Variants in LINGO2 observed in about 807,000 individuals in gnomAD.
LINGO2 encodes leucine-rich repeat and immunoglobulin-like domain-containing nogo receptor-interacting protein 2.
A neutral mutation model predicts 30.6 loss-of-function variants in LINGO2; 14 were observed. The ratio of observed to expected loss-of-function variants is 0.46; its 90% confidence interval spans 0.30 to 0.72. LINGO2 has a LOEUF of 0.72. Ranked by LOEUF, LINGO2 falls within the 30% of genes least tolerant of loss-of-function variation. The pLI is 0.07. For missense variants in LINGO2, 729 were observed against 751.7 expected, an observed-to-expected ratio of 0.97 and a Z score of 0.35; for synonymous variants, 317 against 288.5, an observed-to-expected ratio of 1.10 and a Z score of -1.00.
chr9:29,129,116 C>T, the LINGO2 span, among the ~76,000 whole-genome samples: 2 of 152,020 alleles, frequency 1.3e-5, no homozygotes, highest in Admixed American at 6.6e-5. Context: ...TCTTGGTTTG[C>T]GTGCCTTCTT....
intron 4 of LINGO2, among the ~76,000 whole-genome samples, chr9:28,064,137 T>G (rs1825238563): frequency 6.6e-6 from 1 of 152,152 alleles, no homozygotes; most frequent in South Asian, 2.1e-4. Flanking sequence ...TCAGCCCCCG[T>G]TAGCAGCAGT....
At chr9:28,044,566 C>G (rs764743815) in intron 4 of LINGO2, among the ~76,000 whole-genome samples, 2 of 152,040 alleles carry the variant, frequency 1.3e-5, no homozygotes, top group Non-Finnish European at 2.9e-5. Context: ...GGCCTTATAA[C>G]AATATTTTTT....
the LINGO2 span, among the ~76,000 whole-genome samples, chr9:28,932,165 C>A: frequency 3.6e-4 from 10 of 27,854 alleles, no homozygotes; most frequent in South Asian, 1.7e-3. Context: ...AAGGCAGTGG[C>A]GGGGGCCGGG....
At chr9:28,031,123 C>T (rs985145042) in intron 4 of LINGO2, among the ~76,000 whole-genome samples, 4 of 152,162 alleles carry the variant, frequency 2.6e-5, no homozygotes, top group Non-Finnish European at 5.9e-5. Flanking sequence ...CATATCCAAG[C>T]TTCTCCTTGG....
chr9:28,806,122 C>G, the LINGO2 span, among the ~76,000 whole-genome samples: 5 of 151,988 alleles, frequency 3.3e-5, no homozygotes, highest in African/African-American at 1.2e-4. Context: ...GACCAGAATG[C>G]AATAATTTGC....
rs544916900 is a variant in LINGO2, at chr9:28,109,159, A to C, written c.-86-96754T>G. The stretch of plus-strand genomic sequence containing the variant: ...ATGACAAAAACCACATGATCATCTC[A>C]ATAGATGCAGAAAACTCCTTCAATA... On this transcript the variant is annotated intron_variant, in intron 4 of 5. Transcript: ENST00000379992. Among the ~76,000 whole-genome samples the C allele has an allele frequency of 8.5e-5, 13 of 152,340 alleles. No homozygotes were observed. The East Asian group carries it at 1.3e-3, about 16-fold the overall frequency.
At chr9:28,335,958 A>G (rs957599350) in intron 3 of LINGO2, among the ~76,000 whole-genome samples, 1 of 152,074 alleles carries the variant, frequency 6.6e-6, no homozygotes, top group Admixed American at 6.6e-5. Context: ...GCTCAGTAGT[A>G]TAATTTTAGA....
At chr9:27,997,579 T>G (rs1417723408) in intron 5 of LINGO2, among the ~76,000 whole-genome samples, 1 of 152,242 alleles carries the variant, frequency 6.6e-6, no homozygotes, top group African/African-American at 2.4e-5. Flanking sequence ...TTCTTTACTC[T>G]TTAATTGAAT....
At chr9:28,651,310 T>TA (rs1214961703) in intron 1 of LINGO2, among the ~76,000 whole-genome samples, 1 of 152,114 alleles carries the variant, frequency 6.6e-6, no homozygotes, top group Admixed American at 6.5e-5. Context: ...AATATACTGT[T>TA]ATAGCACTTT....
the LINGO2 span, among the ~76,000 whole-genome samples, chr9:28,967,858 A>T: frequency 6.6e-6 from 1 of 152,210 alleles, no homozygotes; most frequent in African/African-American, 2.4e-5. Flanking sequence ...AAGAGAGAAG[A>T]CAGAGAAGAT....
the LINGO2 span, among the ~76,000 whole-genome samples, chr9:28,961,406 C>T: frequency 1.3e-5 from 2 of 152,078 alleles, no homozygotes; most frequent in Non-Finnish European, 2.9e-5. Flanking sequence ...GTAACGTAAT[C>T]CATAATACAT....
the LINGO2 span, among the ~76,000 whole-genome samples, chr9:29,098,471 GCA>G: frequency 7.3e-5 from 11 of 150,296 alleles, no homozygotes; most frequent in Non-Finnish European, 1.3e-4. Flanking sequence ...ACACATATGC[GCA>G]CACACACACA....
the LINGO2 span, among the ~76,000 whole-genome samples, chr9:29,054,688 C>T: frequency 3.9e-5 from 6 of 152,164 alleles, no homozygotes; most frequent in South Asian, 1.0e-3. Context: ...GTCCTTGAGG[C>T]TTTTATAATT....
intron 4 of LINGO2, among the ~76,000 whole-genome samples, chr9:28,262,124 G>A (rs369119043): frequency 1.6e-4 from 24 of 151,936 alleles, no homozygotes; most frequent in Non-Finnish European, 2.2e-4. Flanking sequence ...ATCTTTTTGT[G>A]CATGCTTTTT....
chr9:28,183,259 A>G (rs1267464169), intron 4 of LINGO2, among the ~76,000 whole-genome samples: 15 of 152,022 alleles, frequency 9.9e-5, no homozygotes, highest in Admixed American at 9.2e-4. Flanking sequence ...AACAATGAGA[A>G]CACATGGACA....
chr9:28,085,511 G>T (rs1313153977), intron 4 of LINGO2, among the ~76,000 whole-genome samples: 1 of 152,096 alleles, frequency 6.6e-6, no homozygotes, highest in African/African-American at 2.4e-5. Flanking sequence ...CTGATGAAAT[G>T]CATGTCTGGT....
intron 2 of LINGO2, among the ~76,000 whole-genome samples, chr9:28,438,300 C>G (rs762609254): frequency 6.6e-6 from 1 of 152,098 alleles, no homozygotes; most frequent in African/African-American, 2.4e-5. Context: ...TTTAAATCAG[C>G]AGATCTAGTA....
chr9:29,193,933 G>T, the LINGO2 span, among the ~76,000 whole-genome samples: 1 of 152,144 alleles, frequency 6.6e-6, no homozygotes, highest in East Asian at 1.9e-4. Context: ...ATCCCAGAAA[G>T]CTAGGCTACC....
chr9:27,973,699 T>C (rs927494523), intron 5 of LINGO2, among the ~76,000 whole-genome samples: 6 of 152,182 alleles, frequency 3.9e-5, no homozygotes, highest in Non-Finnish European at 8.8e-5. Context: ...GTATCTTTCC[T>C]GTGGAAAGAG....
Sources: allele counts gnomAD v4.1 joint callset (sites outside exome capture counted in the v4.1 genomes callset), GRCh38; gene constraint gnomAD v4.1.1; transcripts MANE v1.5; gene names NCBI Gene and HGNC (gene_info 2026-07-23, HGNC 2026-07-21).